The following SSU72 variants were observed in gnomAD, a reference collection of about 807,000 sequenced individuals.
SSU72 encodes the protein SSU72 homolog, RNA polymerase II CTD phosphatase.
A neutral mutation model predicts 22.7 loss-of-function variants in SSU72; 12 were observed. That is an observed-to-expected ratio of 0.53 (90% CI 0.34 to 0.86). The LOEUF is 0.86. Ranked by LOEUF, SSU72 falls within the 40% of genes least tolerant of loss-of-function variation. The pLI is 0.02. For missense variants in SSU72, 151 were observed against 249.8 expected, an observed-to-expected ratio of 0.60 and a Z score of 2.67; for synonymous variants, 116 against 98.3, an observed-to-expected ratio of 1.18 and a Z score of -1.06.
rs1410742156 is a variant in SSU72, at chr1:1,556,389, A to G, written c.224+8384T>C. On this transcript the variant is annotated intron_variant, in intron 2 of 4. Coordinates refer to ENST00000291386, the MANE Select transcript of SSU72 (RefSeq NM_014188.3). ...ACCCATGTCTACTAAAAATACAAAA[A>G]ATTAGCCGGACGTGGTGGGGGGCGC... 6.6e-5 allele frequency among the ~76,000 whole-genome samples: 10 copies of G among 152,018 alleles called. No homozygotes were observed. In the East Asian group the frequency reaches 1.9e-3, roughly 29 times the overall value.
intron 1 of SSU72, among the ~76,000 whole-genome samples, chr1:1,571,244 C>CAAAAAAAAAAAAAA (rs753699933): frequency 4.3e-5 from 2 of 46,892 alleles, no homozygotes; most frequent in Non-Finnish European, 9.0e-5. Flanking sequence ...GACTCCATCT[C>CAAAAAAAAAAAAAA]AAAAAAAAAA....
In SSU72 at chr1:1,544,885, T is replaced by C. The variant is rs1414342843; in HGVS notation, c.342A>G (p.Arg114=). ...CACCTTCCACCACCTGGTCATACAC[T>C]CTCTCTTCGCAAGTGAGGATCAGAT... The part of the protein sequence containing the change: ...LFDLILTCEE[R]VYDQVVEDLN... Residue 114 remains arginine, a synonymous_variant, in exon 3 of 5, where the codon AGA becomes AGG. Transcript: ENST00000291386. 1.2e-6 allele frequency: 2 copies of C among 1,614,124 alleles called. No homozygotes were observed. Among genetic ancestry groups the C allele is most frequent in the East Asian group, 4.5e-5 (2 of 44,874 alleles).
At chr1:1,548,816 G>A (rs1191788904) in intron 2 of SSU72, among the ~76,000 whole-genome samples, 1 of 152,216 alleles carries the variant, frequency 6.6e-6, no homozygotes, top group African/African-American at 2.4e-5. Flanking sequence ...GATTCCCATG[G>A]GTTGAGCACG....
intron 1 of SSU72, among the ~76,000 whole-genome samples, chr1:1,567,934 A>C (rs1395799548): frequency 2.0e-5 from 3 of 151,114 alleles, no homozygotes; most frequent in Non-Finnish European, 4.4e-5. Context: ...AAAAAATCGC[A>C]CAAAGAAGCC....
intron 2 of SSU72, among the ~76,000 whole-genome samples, chr1:1,548,641 G>C (rs1329712852): frequency 6.6e-6 from 1 of 152,100 alleles, no homozygotes; most frequent in Non-Finnish European, 1.5e-5. Flanking sequence ...GTGGGGTGCT[G>C]GGGGTGGGTG....
intron 1 of SSU72, among the ~76,000 whole-genome samples, chr1:1,566,163 G>C (rs1258463640): frequency 6.6e-6 from 1 of 152,046 alleles, no homozygotes; most frequent in Non-Finnish European, 1.5e-5. Flanking sequence ...TACTTGGGAG[G>C]CTGAAGCATG....
chr1:1,562,686 C>T (rs1179459723), intron 2 of SSU72: 1 of 152,360 alleles, frequency 6.6e-6, no homozygotes, highest in East Asian at 1.9e-4. Context: ...ACAGGGACCT[C>T]GCACAAAGGC....
chr1:1,548,297 A>T (rs1276307725), intron 2 of SSU72, among the ~76,000 whole-genome samples: 1 of 152,158 alleles, frequency 6.6e-6, no homozygotes, highest in Non-Finnish European at 1.5e-5. Flanking sequence ...GGTGGCTCAC[A>T]CCTGTAATCC....
At chr1:1,562,722 G>C (rs2100717674) in intron 2 of SSU72, 1 of 152,508 alleles carries the variant, frequency 6.6e-6, no homozygotes. Context: ...CCTTTCCAAG[G>C]CACAGCCCCA....
rs764120397 is a variant in SSU72, at chr1:1,574,557, T to TGGC, written c.-3_-1dup. On this transcript the variant is annotated 5_prime_UTR_variant, in exon 1 of 5. Coordinates refer to ENST00000291386, the MANE Select transcript of SSU72 (RefSeq NM_014188.3). ...GCCACCCGCAGCGGGGACGACGGCA[T>TGGC]GGCGGCGGCCGCAAATCCCGCGGCT... 9.5e-6 allele frequency: 15 copies of TGGC among 1,585,166 alleles called. No individual in the cohort carries two copies. The highest frequency in any genetic ancestry group is 1.7e-5 in the Admixed American group (1 of 57,426).
chr1:1,566,063 C>A (rs2100720217), intron 1 of SSU72, among the ~76,000 whole-genome samples: 1 of 151,692 alleles, frequency 6.6e-6, no homozygotes, highest in South Asian at 2.1e-4. Flanking sequence ...TTCAGACTAG[C>A]CTGGCCAGGA....
Position 1,543,946 on chromosome 1 carries a change from C to G in SSU72, c.406G>C (p.Val136Leu). 1 of 1,614,088 alleles carries G rather than the reference C, an allele frequency of 6.2e-7. No homozygotes were observed. Among genetic ancestry groups the G allele is most frequent in the Non-Finnish European group, 8.5e-7 (1 of 1,179,982 alleles). Residue 136 changes from valine (V) to leucine (L), a missense_variant, in exon 4 of 5, where the codon GTG becomes CTG. Coordinates refer to ENST00000291386, the MANE Select transcript of SSU72 (RefSeq NM_014188.3). Reference protein sequence around the residue: ...REQETCQPVHVVNVDIQDNHE... With the variant: ...REQETCQPVHLVNVDIQDNHE... ...TTGTCCTGGATGTCCACATTGACCA[C>G]GTGCACAGGCTGGCAGGTCTCCTGT...
At chr1:1,574,031 AAAAG>A (rs201290951) in intron 1 of SSU72, among the ~76,000 whole-genome samples, 43 of 117,022 alleles carry the variant, frequency 3.7e-4, no homozygotes, top group Middle Eastern at 3.7e-3. Flanking sequence ...CAAAAAAAAA[AAAAG>A]AAGAAGAAGT....
At chr1:1,573,595 G>A (rs1001552886) in intron 1 of SSU72, among the ~76,000 whole-genome samples, 5 of 151,942 alleles carry the variant, frequency 3.3e-5, no homozygotes, top group Admixed American at 2.6e-4. Context: ...GACTACACGC[G>A]TGAGCCACCG....
At chr1:1,556,347 C>A (rs1642520436) in intron 2 of SSU72, among the ~76,000 whole-genome samples, 1 of 152,102 alleles carries the variant, frequency 6.6e-6, no homozygotes, top group Non-Finnish European at 1.5e-5. Context: ...GCAGGAGAAT[C>A]ACTTGAACAA....
At chr1:1,543,762 T>G (rs1570378649) in intron 4 of SSU72, 107 bp downstream of exon 4, 1 of 681,952 alleles carries the variant, frequency 1.5e-6, no homozygotes, top group Non-Finnish European at 2.2e-6. Flanking sequence ...TGTCACGGCC[T>G]CGGCCACCCC....
chr1:1,558,573 T>C (rs1172959922), intron 2 of SSU72, among the ~76,000 whole-genome samples: 1 of 152,206 alleles, frequency 6.6e-6, no homozygotes, highest in African/African-American at 2.4e-5. Context: ...GAGCTACACG[T>C]TTACTTGCTT....
chr1:1,567,608 A>C (rs939029960), intron 1 of SSU72, among the ~76,000 whole-genome samples: 6 of 152,142 alleles, frequency 3.9e-5, no homozygotes, highest in Non-Finnish European at 8.8e-5. Context: ...GAGAAACAAC[A>C]AGCCTAAAAT....
chr1:1,544,946 C>T lies in SSU72; in HGVS notation c.281G>A (p.Arg94Gln), dbSNP rs751224426. The change falls in exon 3 of 5, where the codon CGG (arginine) becomes CAG (glutamine). Residue 94 changes from arginine (R) to glutamine (Q), a missense_variant. Arg to Gln is a conservative substitution (Grantham distance 43). Coordinates refer to ENST00000291386, the MANE Select transcript of SSU72 (RefSeq NM_014188.3). Reference sequence around the variant, plus strand: ...TTTGCAGTTCTGGAATCTTTCTGGCCGGGGCTTGATTCTCTTATTTCTGTC... The same window carrying T: ...TTTGCAGTTCTGGAATCTTTCTGGCTGGGGCTTGATTCTCTTATTTCTGTC... ...MLDRNKRIKP[R>Q]PERFQNCKDL... The T allele has an allele frequency of 8.1e-6, 13 of 1,614,078 alleles. No homozygotes were observed. The highest frequency in any genetic ancestry group is 2.2e-5 in the East Asian group (1 of 44,902).
Sources: allele counts gnomAD v4.1 joint callset (sites outside exome capture counted in the v4.1 genomes callset), GRCh38; gene constraint gnomAD v4.1.1; transcripts MANE v1.5; gene names NCBI Gene and HGNC (gene_info 2026-07-23, HGNC 2026-07-21).